Variants in ZFP69 observed in about 807,000 individuals in gnomAD.
The protein encoded by ZFP69 is zinc finger protein 69 homolog.
Under a neutral mutation model 48.9 loss-of-function variants are expected in ZFP69, and 35 were observed. The ratio of observed to expected loss-of-function variants is 0.72; its 90% CI spans 0.55 to 0.95. ZFP69 has a LOEUF of 0.95. ZFP69 is among the 40% of genes least tolerant of loss of function. The probability of loss-of-function intolerance (pLI) is 0.00; values close to 1 mark genes in which losing one functional copy is unlikely to be tolerated. For missense variants in ZFP69, 557 were observed against 638.4 expected, an observed-to-expected ratio of 0.87 and a Z score of 1.37; for synonymous variants, 193 against 216.8, an observed-to-expected ratio of 0.89 and a Z score of 0.96.
intron 4 of ZFP69, 81 bp downstream of exon 4, chr1:40,489,295 C>T (rs1645538723): frequency 3.3e-6 from 5 of 1,529,682 alleles, no homozygotes; most frequent in African/African-American, 1.4e-5. Context: ...GTGTAGATTC[C>T]TTGAGGCTTG....
At position 40,495,268 on chromosome 1, in the gene ZFP69, A is replaced by C; in HGVS notation, c.790A>C (p.Ser264Arg). ...ATTAGATTTGATTAATCATCCAACAAGTTACATAAGAACAAAAACCTATGA... is the reference window on the plus strand; with the variant it reads ...ATTAGATTTGATTAATCATCCAACACGTTACATAAGAACAAAAACCTATGA... ...YKLDLINHPT[S>R]YIRTKTYECN... Residue 264 changes from serine (S) to arginine (R), a missense_variant, in exon 6 of 6, where the codon AGT becomes CGT. By Grantham distance (110) the Ser-to-Arg change is moderately radical. Coordinates refer to ENST00000372706, the MANE Select transcript of ZFP69 (RefSeq NM_001320179.2). 1 of 1,614,060 alleles carries C rather than the reference A, an allele frequency of 6.2e-7. No individual in the cohort carries two copies. Among genetic ancestry groups the C allele is most frequent in the African/African-American group, 1.3e-5 (1 of 75,068 alleles).
rs1176329932 is a variant in ZFP69 at position 40,494,943 on chromosome 1, C to T, written c.465C>T (p.Thr155=). 6.2e-7 allele frequency: 1 copy of T among 1,610,986 alleles called. No homozygotes were observed. The highest frequency in any genetic ancestry group is 1.7e-5 in the Admixed American group (1 of 59,332). ...PSSDLKSKIE[T]IESTAKSTIS... is the part of the protein sequence containing the mutation. ...CAGACTTGAAGAGTAAAATAGAAAC[C>T]ATTGAGTCAACTGCAAAGAGTACCA... Residue 155 remains threonine (T), a synonymous_variant, in exon 6 of 6, where the codon ACC becomes ACT. Coordinates refer to ENST00000372706, the MANE Select transcript of ZFP69 (RefSeq NM_001320179.2).
At chr1:40,487,215 G>A (rs910491587) in intron 3 of ZFP69, among the ~76,000 whole-genome samples, 2 of 152,090 alleles carry the variant, frequency 1.3e-5, no homozygotes, top group Non-Finnish European at 2.9e-5. Context: ...GAGCCACTGC[G>A]CCCGGCCTAC....
intron 5 of ZFP69, among the ~76,000 whole-genome samples, chr1:40,494,255 AATTTTT>A (rs779048716): frequency 0.12 from 14,536 of 123,324 alleles, 1,915 homozygotes; most frequent in East Asian, 0.38. Flanking sequence ...AAAGATTCAA[AATTTTT>A]TTTTTTTTTT....
rs1645628065 is a variant in ZFP69 at position 40,495,863 on chromosome 1, C to G, written c.1385C>G (p.Thr462Arg). ...CTTAGCAACCATAAAACTGTTCATA[C>G]AGGAGTGAAAGCATATGAATGCAAC... is the stretch of plus-strand genomic sequence containing the variant. ...IHLSNHKTVH[T>R]GVKAYECNRC... Residue 462 changes from threonine to arginine, a missense_variant, in exon 6 of 6, where the codon ACA becomes AGA. Coordinates refer to ENST00000372706, the MANE Select transcript of ZFP69 (RefSeq NM_001320179.2). 6.2e-7 allele frequency: 1 copy of G among 1,614,068 alleles called. No individual in the cohort carries two copies. The highest frequency in any genetic ancestry group is 1.7e-5 in the Admixed American group (1 of 59,996).
chr1:40,496,205 G>A lies in ZFP69; in HGVS notation c.*146G>A. 1.3e-6 allele frequency: 1 copy of A among 767,856 alleles called. No homozygotes were observed. Among genetic ancestry groups the A allele is most frequent in the Admixed American group, 3.1e-5 (1 of 32,406 alleles). The allele number at this position is 767,856 out of a possible 1,614,324, so 47.6% of individuals were successfully genotyped here. A position where few individuals can be genotyped will look rare whatever the true frequency, so the allele number is the denominator to read the frequency against. On this transcript the variant is annotated 3_prime_UTR_variant, in exon 6 of 6. Transcript: ENST00000372706. ...TTGTAAATAAACATTACATTGACAG[G>A]TATTGACTACTAACACCTCTAAAAA... is the stretch of plus-strand genomic sequence containing the variant.
intron 3 of ZFP69, among the ~76,000 whole-genome samples, chr1:40,487,764 A>G (rs1645516412): frequency 6.6e-6 from 1 of 152,142 alleles, no homozygotes; most frequent in Non-Finnish European, 1.5e-5. Flanking sequence ...GTGATCTCTC[A>G]GGCCGGGCGC....
In ZFP69 at chr1:40,477,595, C is replaced by T. The variant is rs1297788699; in HGVS notation, c.-626C>T. The T allele has an allele frequency of 6.6e-6, 1 of 152,276 alleles. No homozygotes were observed. The highest frequency in any genetic ancestry group is 6.5e-5 in the Admixed American group (1 of 15,288). The allele number at this position is 152,276 out of a possible 1,614,324, so 9.4% of individuals were successfully genotyped here. A position where few individuals can be genotyped will look rare whatever the true frequency, so the allele number is the denominator to read the frequency against. ...CCTCAAAGCCTCGCTCCTGGGGGCGCTGCTGGGAAAGCCCACCCGCCTGGG... is the reference window on the plus strand; with the variant it reads ...CCTCAAAGCCTCGCTCCTGGGGGCGTTGCTGGGAAAGCCCACCCGCCTGGG... On this transcript the variant is annotated 5_prime_UTR_variant, in exon 1 of 6. Transcript: ENST00000372706. The surrounding 1 kb of genome is among the most constrained non-coding windows in gnomAD (Gnocchi z 4.0).
At position 40,494,255 on chromosome 1, in the gene ZFP69, A is replaced by ATTTTTTTTTTTTTT. The variant is rs1645598717; in HGVS notation, c.443-666_443-665insTTTTTTTTTTTTTT. Reference sequence around the variant, plus strand: ...ATTAGAGCAGGACTAAAAGATTCAAAATTTTTTTTTTTTTTTTTTTTTTTT... The same window carrying ATTTTTTTTTTTTTT: ...ATTAGAGCAGGACTAAAAGATTCAAATTTTTTTTTTTTTTATTTTTTTTTTTTTTTTTTTTTTTT... On this transcript the variant is annotated intron_variant, in intron 5 of 5. Coordinates refer to ENST00000372706, the MANE Select transcript of ZFP69 (RefSeq NM_001320179.2). Among the ~76,000 whole-genome samples the ATTTTTTTTTTTTTT allele has an allele frequency of 7.3e-5, 9 of 123,856 alleles. 3 individuals are homozygous for ATTTTTTTTTTTTTT. Among genetic ancestry groups the ATTTTTTTTTTTTTT allele is most frequent in the African/African-American group, 1.9e-4 (6 of 31,550 alleles). 81.3% of individuals were successfully genotyped at this position (123,856 alleles called of 152,430 possible). A position where few individuals can be genotyped will look rare whatever the true frequency, so the allele number is the denominator to read the frequency against.
intron 3 of ZFP69, among the ~76,000 whole-genome samples, chr1:40,482,721 G>A (rs1355077054): frequency 5.9e-5 from 9 of 152,112 alleles, no homozygotes; most frequent in Admixed American, 1.3e-4. Flanking sequence ...ATTATATCAC[G>A]CAAAGTGGAC....
In ZFP69 at chr1:40,495,458, T is replaced by C; in HGVS notation, c.980T>C (p.Phe327Ser). The C allele has an allele frequency of 2.5e-6, 4 of 1,613,988 alleles. No homozygotes were observed. The highest frequency in any genetic ancestry group is 3.4e-6 in the Non-Finnish European group (4 of 1,179,968). Residue 327 changes from phenylalanine to serine, a missense_variant, in exon 6 of 6, where the codon TTT (phenylalanine) becomes TCT (serine). Coordinates refer to ENST00000372706, the MANE Select transcript of ZFP69 (RefSeq NM_001320179.2). ...AGAATCCATACTGGTGAGAAACCCTTTGAATGTGAGGAATGTGGGAAAGCC... is the reference window on the plus strand; with the variant it reads ...AGAATCCATACTGGTGAGAAACCCTCTGAATGTGAGGAATGTGGGAAAGCC... ...HQRIHTGEKPFECEECGKAFR... is the reference protein window; with the variant it reads ...HQRIHTGEKPSECEECGKAFR...
In ZFP69 at chr1:40,479,344, T is replaced by C; in HGVS notation, c.-18T>C. ...AATTTCCTCACCAGAAGTGGACAAG[T>C]CCAGTAAGGCAGGCATCATGCCACA... On this transcript the variant is annotated 5_prime_UTR_variant, in exon 2 of 6. Transcript: ENST00000372706. 1.9e-5 allele frequency: 31 copies of C among 1,612,816 alleles called. No individual in the cohort carries two copies. The highest frequency in any genetic ancestry group is 2.6e-5 in the Non-Finnish European group (31 of 1,179,400).
intron 5 of ZFP69, among the ~76,000 whole-genome samples, chr1:40,490,047 T>G (rs1231366098): frequency 6.6e-6 from 1 of 151,932 alleles, no homozygotes; most frequent in Non-Finnish European, 1.5e-5. Flanking sequence ...TTTTTGTATT[T>G]TTAGTAGAGA....
At position 40,495,163 on chromosome 1, in the gene ZFP69, A is replaced by C; in HGVS notation, c.685A>C (p.Asn229His). The C allele has an allele frequency of 6.2e-7, 1 of 1,614,138 alleles. No homozygotes were observed. Residue 229 changes from asparagine to histidine, a missense_variant, in exon 6 of 6, where the codon AAT becomes CAT. Physicochemically the swap from Asn to His is moderately conservative, Grantham distance 68. Transcript: ENST00000372706. ...RVQETNKFGENIIVHSNVIIE... is the reference protein window; with the variant it reads ...RVQETNKFGEHIIVHSNVIIE... ...CCAAGAAACTAACAAATTTGGGGAA[A>C]ATATCATTGTGCATTCAAATGTTAT...
chr1:40,491,194 C>T (rs140708947), intron 5 of ZFP69: 3 of 152,246 alleles, frequency 2.0e-5, no homozygotes, highest in African/African-American at 7.2e-5. Context: ...TGGTGATATT[C>T]CTCAGTATGT....
rs1216705332 is a variant in ZFP69 at position 40,489,581 on chromosome 1, G to A, written c.399G>A (p.Glu133=). ...TATCCCAGTTAGAGAAAGGAGAAGA[G>A]CCATGGATGGCAGAGAAAGAAGGCC... The part of the protein sequence containing the change: ...SVISQLEKGE[E]PWMAEKEGPG... Residue 133 remains glutamate, a synonymous_variant, in exon 5 of 6, where the codon GAG becomes GAA. Transcript: ENST00000372706. 1.2e-6 allele frequency: 2 copies of A among 1,613,654 alleles called. No homozygotes were observed. Among genetic ancestry groups the A allele is most frequent in the Non-Finnish European group, 1.7e-6 (2 of 1,179,920 alleles).
chr1:40,480,347 C>G (rs984396365), intron 2 of ZFP69, among the ~76,000 whole-genome samples: 3 of 149,528 alleles, frequency 2.0e-5, no homozygotes, highest in African/African-American at 7.6e-5. Context: ...CTCACTGCAA[C>G]TCCTGCCTCC....
intron 3 of ZFP69, among the ~76,000 whole-genome samples, chr1:40,486,307 A>G (rs768718209): frequency 1.2e-4 from 18 of 151,938 alleles, no homozygotes; most frequent in Non-Finnish European, 2.2e-4. Context: ...TAGTTTGGAA[A>G]ATCTTCAGCC....
chr1:40,492,211 A>T (rs2124459692), intron 5 of ZFP69, among the ~76,000 whole-genome samples: 1 of 152,156 alleles, frequency 6.6e-6, no homozygotes, highest in Non-Finnish European at 1.5e-5. Flanking sequence ...GATCATACAT[A>T]TATGTTTTTA....
Sources: gnomAD v4.1 joint callset for allele counts (sites outside exome capture counted in the v4.1 genomes callset) on GRCh38, gnomAD v4.1.1 for gene constraint, Gnocchi (gnomAD v3.1) non-coding constraint, MANE v1.5 for transcripts, NCBI Gene and HGNC (gene_info 2026-07-23, HGNC 2026-07-21) for gene names.